The following TRAF3IP1 variants were observed in gnomAD, a reference collection of about 807,000 sequenced individuals.
The protein encoded by TRAF3IP1 is intraflagellar transport 54.
In TRAF3IP1, 53 loss-of-function variants were observed where a neutral mutation model predicts 89.9. The ratio of observed to expected loss-of-function variants is 0.59; its 90% CI spans 0.47 to 0.74. The LOEUF is 0.74. TRAF3IP1 is among the 30% of genes least tolerant of loss of function. TRAF3IP1 has a pLI of 0.00. For missense variants in TRAF3IP1, 806 were observed against 866.1 expected (o/e 0.93, Z 0.87); for synonymous variants, 311 against 322.1 (o/e 0.97, Z 0.37).
chr2:238,369,538 C>T (rs1382623028), intron 15 of TRAF3IP1, among the ~76,000 whole-genome samples: 2 of 151,994 alleles, frequency 1.3e-5, no homozygotes, highest in Admixed American at 6.6e-5. Context: ...TCCTGACTGG[C>T]CCCCGGTTTG....
intron 15 of TRAF3IP1, among the ~76,000 whole-genome samples, chr2:238,372,210 C>A (rs1271726586): frequency 6.6e-6 from 1 of 152,028 alleles, no homozygotes; most frequent in Non-Finnish European, 1.5e-5. Context: ...ATACATGTGC[C>A]ATGTTGGTTT....
chr2:238,385,932 A>G (rs1389311070), intron 15 of TRAF3IP1, among the ~76,000 whole-genome samples: 1 of 152,240 alleles, frequency 6.6e-6, no homozygotes, highest in Non-Finnish European at 1.5e-5. Flanking sequence ...TGAACAGGTG[A>G]TTTCAATAAA....
At chr2:238,356,206 G>A in intron 15 of TRAF3IP1, 126 bp downstream of exon 15, 1 of 826,234 alleles carries the variant, frequency 1.2e-6, no homozygotes, top group Middle Eastern at 2.3e-4. Context: ...ATATTTAAAT[G>A]CCATTCCTGG....
chr2:238,329,940 T>G (rs1698038932), intron 5 of TRAF3IP1, among the ~76,000 whole-genome samples: 3 of 152,214 alleles, frequency 2.0e-5, no homozygotes, highest in South Asian at 2.1e-4. Context: ...TTTTAGGGTT[T>G]AATGATTCCC....
chr2:238,383,167 C>T (rs1008697095), intron 15 of TRAF3IP1, among the ~76,000 whole-genome samples: 2 of 152,288 alleles, frequency 1.3e-5, no homozygotes, highest in Non-Finnish European at 2.9e-5. Context: ...ATAGGCCCAC[C>T]TGCTGTAGGC....
At chr2:238,376,417 C>T (rs1258803970) in intron 15 of TRAF3IP1, among the ~76,000 whole-genome samples, 1 of 152,146 alleles carries the variant, frequency 6.6e-6, no homozygotes, top group Non-Finnish European at 1.5e-5. Flanking sequence ...AGAACAAGGC[C>T]TTGTGTCTGG....
chr2:238,333,632 T>TA (rs1698235115), intron 6 of TRAF3IP1, among the ~76,000 whole-genome samples: 1 of 152,212 alleles, frequency 6.6e-6, no homozygotes, highest in Non-Finnish European at 1.5e-5. Context: ...TGCATTTAAG[T>TA]AATTAAGTAT....
chr2:238,364,038 A>G (rs1163656325), intron 15 of TRAF3IP1, among the ~76,000 whole-genome samples: 3 of 152,226 alleles, frequency 2.0e-5, no homozygotes, highest in Non-Finnish European at 2.9e-5. Context: ...CGATTTATAC[A>G]TGTTATCATA....
intron 9 of TRAF3IP1, 51 bp downstream of exon 9, chr2:238,344,649 C>T: frequency 6.6e-7 from 1 of 1,512,436 alleles, no homozygotes. Flanking sequence ...AGTGAGCCCT[C>T]CAGAACCTTC....
chr2:238,389,563 C>T (rs1251049450), intron 15 of TRAF3IP1, among the ~76,000 whole-genome samples: 1 of 152,056 alleles, frequency 6.6e-6, no homozygotes, highest in Non-Finnish European at 1.5e-5. Context: ...GCCTGACCAA[C>T]ATGGTGAAAC....
intron 15 of TRAF3IP1, among the ~76,000 whole-genome samples, chr2:238,392,776 A>G (rs1701050092): frequency 1.3e-5 from 2 of 152,040 alleles, no homozygotes; most frequent in African/African-American, 4.8e-5. Context: ...GGGTTTTGCC[A>G]TGTTGGTCAG....
In TRAF3IP1 at chr2:238,325,966, A is replaced by G. The variant is rs964571901; in HGVS notation, c.350A>G (p.Asn117Ser). The change falls in exon 3 of 17, where the codon AAC (asparagine) becomes AGC (serine). Residue 117 changes from asparagine to serine, a missense_variant. This residue lies in a region of TRAF3IP1 where 732 missense variants were observed against 780.5 expected (regional missense o/e 0.94). Transcript: ENST00000373327. ...LLQIIGKCCL[N>S]KLSSDDAVRR... The stretch of plus-strand genomic sequence containing the variant: ...CAGATAATTGGAAAATGCTGTCTCA[A>G]CAAGGTACTACTGCTGTCCTGGCAT... 1 of 1,612,096 alleles carries G rather than the reference A, an allele frequency of 6.2e-7. No individual in the cohort carries two copies. The highest frequency in any genetic ancestry group is 2.2e-5 in the East Asian group (1 of 44,888).
intron 3 of TRAF3IP1, among the ~76,000 whole-genome samples, chr2:238,328,267 T>C (rs1470205267): frequency 6.6e-6 from 1 of 152,220 alleles, no homozygotes; most frequent in Non-Finnish European, 1.5e-5. Flanking sequence ...TGTGTTTTTT[T>C]TTAGGAGCAG....
At chr2:238,338,591 G>A (rs985862430) in intron 8 of TRAF3IP1, 134 bp downstream of exon 8, 24 of 526,038 alleles carry the variant, frequency 4.6e-5, no homozygotes, top group Admixed American at 4.2e-4. Flanking sequence ...ATGATGTATT[G>A]AAGACTGGAC....
chr2:238,360,581 G>A (rs112780958), intron 15 of TRAF3IP1, among the ~76,000 whole-genome samples: 217 of 152,032 alleles, frequency 1.4e-3, no homozygotes, highest in African/African-American at 5.0e-3. Flanking sequence ...CACTAGGTAC[G>A]GTCAAACTTT....
At chr2:238,390,318 C>G (rs796861789) in intron 15 of TRAF3IP1, among the ~76,000 whole-genome samples, 2 of 152,186 alleles carry the variant, frequency 1.3e-5, no homozygotes, top group African/African-American at 4.8e-5. Context: ...ACCAACCTTT[C>G]AGCGGAGAAA....
At chr2:238,330,062 C>A (rs902916480) in intron 5 of TRAF3IP1, among the ~76,000 whole-genome samples, 1 of 152,128 alleles carries the variant, frequency 6.6e-6, no homozygotes, top group African/African-American at 2.4e-5. Context: ...CCGTGCGTGT[C>A]GTTTGTGTCA....
At chr2:238,341,825 C>A (rs549529957) in intron 8 of TRAF3IP1, among the ~76,000 whole-genome samples, 1 of 152,088 alleles carries the variant, frequency 6.6e-6, no homozygotes, top group Non-Finnish European at 1.5e-5. Flanking sequence ...CAAAGCATAG[C>A]CCATGGAGAG....
At chr2:238,378,700 T>C (rs1700421869) in intron 15 of TRAF3IP1, among the ~76,000 whole-genome samples, 1 of 152,218 alleles carries the variant, frequency 6.6e-6, no homozygotes, top group Admixed American at 6.5e-5. Flanking sequence ...CTGCGTTTTT[T>C]CCTGGGCCCT....
Sources: allele counts gnomAD v4.1 joint callset (sites outside exome capture counted in the v4.1 genomes callset), GRCh38; gene constraint gnomAD v4.1.1; regional missense constraint gnomAD v4.1.1; transcripts MANE v1.5; gene names NCBI Gene and HGNC (gene_info 2026-07-23, HGNC 2026-07-21).